The following TMEM19 variants were observed in gnomAD, a reference collection of about 807,000 sequenced individuals.
TMEM19 encodes transmembrane protein 19.
In TMEM19, 21 loss-of-function variants were observed where a neutral mutation model predicts 33.6. That is an observed-to-expected ratio of 0.62 (90% CI 0.44 to 0.90). The LOEUF is 0.90. TMEM19 is among the 40% of genes least tolerant of loss of function. The pLI, the probability that TMEM19 is intolerant of heterozygous loss-of-function variation, is 0.00. For missense variants in TMEM19, 402 were observed against 401.8 expected, an observed-to-expected ratio of 1.00 and a Z score of 0.00; for synonymous variants, 149 against 147.5, an observed-to-expected ratio of 1.01 and a Z score of -0.07.
rs536925511 is a variant in TMEM19, at chr12:71,693,935, T to C, written c.245-2501T>C. Reference sequence around the variant, plus strand: ...AGGCCTCCCCAGCCATGTGGAACTGTGAGCCAGTTGAACCTCTTTTCTTTA... The same window carrying C: ...AGGCCTCCCCAGCCATGTGGAACTGCGAGCCAGTTGAACCTCTTTTCTTTA... On this transcript the variant is annotated intron_variant, in intron 2 of 5. Transcript: ENST00000266673. Among the ~76,000 whole-genome samples, 3 of 152,360 alleles carry C rather than the reference T, an allele frequency of 2.0e-5. No homozygotes were observed. In the South Asian group the frequency reaches 6.2e-4, roughly 32 times the overall value.
chr12:71,699,146 T>C, intron 5 of TMEM19, 37 bp downstream of exon 5: 1 of 1,605,296 alleles, frequency 6.2e-7, no homozygotes, highest in Non-Finnish European at 8.5e-7. Flanking sequence ...CTTATTGGTA[T>C]GTTAAAGAAA....
Position 71,700,847 on chromosome 12 carries a change from C to T in TMEM19, c.863C>T (p.Thr288Ile). Reference sequence around the variant, plus strand: ...TCCATTCCAGGGTTGGATGAAAGCACTGGCATGGTGGTCAACAGCCCAACA... The same window carrying T: ...TCCATTCCAGGGTTGGATGAAAGCATTGGCATGGTGGTCAACAGCCCAACA... ...TMQYTGLDES[T>I]GMVVNSPTNK... is the part of the protein sequence containing the mutation. The change falls in exon 6 of 6, where the codon ACT becomes ATT. Residue 288 changes from threonine to isoleucine, a missense_variant. Coordinates refer to ENST00000266673, the MANE Select transcript of TMEM19 (RefSeq NM_018279.4). 1 of 1,602,086 alleles carries T rather than the reference C, an allele frequency of 6.2e-7. No homozygotes were observed.
intron 2 of TMEM19, among the ~76,000 whole-genome samples, chr12:71,694,044 AC>A (rs1360844894): frequency 1.3e-5 from 2 of 152,226 alleles, no homozygotes; most frequent in African/African-American, 4.8e-5. Flanking sequence ...TTACTTTGCT[AC>A]ATCATGACTT....
chr12:71,694,040 T>G (rs1388421291), intron 2 of TMEM19, among the ~76,000 whole-genome samples: 1 of 152,222 alleles, frequency 6.6e-6, no homozygotes, highest in Non-Finnish European at 1.5e-5. Flanking sequence ...AATTTTACTT[T>G]GCTACATCAT....
intron 3 of TMEM19, 36 bp downstream of exon 3, chr12:71,696,609 C>T (rs1216331074): frequency 1.3e-6 from 2 of 1,494,622 alleles, no homozygotes; most frequent in Admixed American, 2.2e-5. Context: ...AAATAGTAAA[C>T]TTCATTTAAT....
At chr12:71,697,204 A>T (rs920249425) in intron 3 of TMEM19, 76 bp from the exon 4 acceptor site, 1 of 1,515,112 alleles carries the variant, frequency 6.6e-7, no homozygotes, top group Non-Finnish European at 8.8e-7. Context: ...ACTTTAAAAC[A>T]TAAACACCTA....
chr12:71,689,551 A>C (rs767255885), intron 1 of TMEM19, 40 bp from the exon 2 acceptor site: 1 of 1,544,436 alleles, frequency 6.5e-7, no homozygotes, highest in East Asian at 2.2e-5. Flanking sequence ...AACCTGTGCA[A>C]ACTTCACACA....
At chr12:71,691,986 T>C (rs1260139130) in intron 2 of TMEM19, among the ~76,000 whole-genome samples, 2 of 152,202 alleles carry the variant, frequency 1.3e-5, no homozygotes, top group Non-Finnish European at 2.9e-5. Flanking sequence ...AACCTAACAC[T>C]GCCACCTGTT....
Position 71,704,826 on chromosome 12 carries a change from A to G in TMEM19, c.*3831A>G, listed in dbSNP as rs1339588215. The G allele has an allele frequency of 6.6e-6, 1 of 152,256 alleles. No homozygotes were observed. The highest frequency in any genetic ancestry group is 1.5e-5 in the Non-Finnish European group (1 of 68,060). The allele number at this position is 152,256 out of a possible 1,614,324, so 9.4% of individuals were successfully genotyped here. The stretch of plus-strand genomic sequence containing the variant: ...GACAGAGCAAGACTCCATCTTGAAA[A>G]AAAAAGGAAAACACAATTATGTGGC... On this transcript the variant is annotated 3_prime_UTR_variant, in exon 6 of 6. Transcript: ENST00000266673.
At chr12:71,689,984 G>C (rs1329049070) in intron 2 of TMEM19, among the ~76,000 whole-genome samples, 1 of 152,114 alleles carries the variant, frequency 6.6e-6, no homozygotes, top group Admixed American at 6.6e-5. Context: ...AGTTTGATTA[G>C]TCTTCTACCA....
chr12:71,687,186 A>G (rs1881706093), intron 1 of TMEM19, among the ~76,000 whole-genome samples: 1 of 152,190 alleles, frequency 6.6e-6, no homozygotes, highest in South Asian at 2.1e-4. Flanking sequence ...AAATGTCTTT[A>G]TATTTTATGT....
At chr12:71,687,350 G>A (rs540894310) in intron 1 of TMEM19, among the ~76,000 whole-genome samples, 2 of 152,210 alleles carry the variant, frequency 1.3e-5, no homozygotes, top group South Asian at 2.1e-4. Context: ...AGGCCGAGGC[G>A]GGCAAATAAC....
rs145726753 is a variant in TMEM19 at position 71,697,476 on chromosome 12, C to T, written c.579C>T (p.Gly193=). Residue 193 remains glycine (G), a synonymous_variant, in exon 4 of 6, where the codon GGC becomes GGT. Transcript: ENST00000266673. ...SAGDTWASEV[G]PVLSKSSPRL... ...GAGACACATGGGCTTCAGAAGTTGG[C>T]CCAGTTCTGAGTAAAAGTTCTCCAA... The T allele has an allele frequency of 7.5e-6, 12 of 1,598,672 alleles. No homozygotes were observed. In the African/African-American group the frequency reaches 1.4e-4, roughly 18 times the overall value.
chr12:71,690,612 G>C (rs994747160), intron 2 of TMEM19, among the ~76,000 whole-genome samples: 7 of 152,154 alleles, frequency 4.6e-5, no homozygotes, highest in African/African-American at 1.7e-4. Flanking sequence ...AACTGTTCAG[G>C]TAATGATGAA....
In TMEM19 at chr12:71,705,019, C is replaced by A. The variant is rs1360656646; in HGVS notation, c.*4024C>A. The A allele has an allele frequency of 6.6e-6, 1 of 152,098 alleles. No homozygotes were observed. Among genetic ancestry groups the A allele is most frequent in the African/African-American group, 2.4e-5 (1 of 41,410 alleles). 9.4% of individuals were successfully genotyped at this position (152,098 alleles called of 1,614,324 possible). On this transcript the variant is annotated 3_prime_UTR_variant, in exon 6 of 6. Transcript: ENST00000266673. ...GGAAGGTGATAATCAGCACCATATT[C>A]CTGGAGGAAAATACAAAATGAAAAA...
At chr12:71,689,557 A>G in intron 1 of TMEM19, 34 bp from the exon 2 acceptor site, 2 of 1,565,366 alleles carry the variant, frequency 1.3e-6, no homozygotes, top group Non-Finnish European at 1.8e-6. Flanking sequence ...TGCAAACTTC[A>G]CACAATTTGT....
In TMEM19 at chr12:71,701,102, T is replaced by C; in HGVS notation, c.*107T>C. ...GTAATGGCAAAGCGGAAATGCCAGT[T>C]CCTCCTGTATTCCATTGAGATGGGA... On this transcript the variant is annotated 3_prime_UTR_variant, in exon 6 of 6. Transcript: ENST00000266673. 8.7e-7 allele frequency: 1 copy of C among 1,147,478 alleles called. No homozygotes were observed. Among genetic ancestry groups the C allele is most frequent in the Non-Finnish European group, 1.2e-6 (1 of 833,250 alleles). 71.1% of individuals were successfully genotyped at this position (1,147,478 alleles called of 1,614,324 possible).
At chr12:71,696,786 A>G (rs1300928653) in intron 3 of TMEM19, among the ~76,000 whole-genome samples, 1 of 151,886 alleles carries the variant, frequency 6.6e-6, no homozygotes, top group Non-Finnish European at 1.5e-5. Flanking sequence ...AGCTGGGACT[A>G]CAGGCGCCTG....
intron 2 of TMEM19, among the ~76,000 whole-genome samples, chr12:71,690,129 T>C (rs895806558): frequency 1.3e-5 from 2 of 152,116 alleles, no homozygotes; most frequent in African/African-American, 4.8e-5. Flanking sequence ...CAAAACTGAG[T>C]TGAGAACAGG....
Sources: gnomAD v4.1 joint callset for allele counts (sites outside exome capture counted in the v4.1 genomes callset) on GRCh38, gnomAD v4.1.1 for gene constraint, MANE v1.5 for transcripts, NCBI Gene and HGNC (gene_info 2026-07-23, HGNC 2026-07-21) for gene names.